The following DLGAP2 variants were observed in gnomAD, a reference collection of about 807,000 sequenced individuals.
DLGAP2 encodes the protein DLG associated protein 2, also known as disks large-associated protein 2.
Under a neutral mutation model 100.3 loss-of-function variants are expected in DLGAP2, and 26 were observed. The observed-to-expected ratio is 0.26, with a 90% CI of 0.19 to 0.36. DLGAP2 has a LOEUF of 0.36. Ranked by LOEUF, DLGAP2 falls within the 10% of genes least tolerant of loss-of-function variation. The pLI is 1.00. For synonymous variants in DLGAP2, 886 were observed against 630.1 expected (o/e 1.41, Z -6.08); for missense variants, 1,858 against 1,453.2 (o/e 1.28, Z -4.53).
rs1317578070 is a variant in DLGAP2 at position 776,625 on chromosome 8, A to G, written c.18+38800A>G. On this transcript the variant is annotated intron_variant, in intron 1 of 14. Coordinates refer to ENST00000637795, the MANE Select transcript of DLGAP2 (RefSeq NM_001346810.2). The stretch of plus-strand genomic sequence containing the variant: ...GTTATGTACCCAGTAGTCCTTCAGG[A>G]GCAGGTTGTTCAGTTTCCATGTAGC... Among the ~76,000 whole-genome samples the G allele has an allele frequency of 4.6e-5, 7 of 152,298 alleles. No homozygotes were observed. In the East Asian group the frequency reaches 1.3e-3, roughly 29 times the overall value.
chr8:1,367,890 G>T (rs963184851), intron 3 of DLGAP2, among the ~76,000 whole-genome samples: 1 of 152,196 alleles, frequency 6.6e-6, no homozygotes, highest in African/African-American at 2.4e-5. Flanking sequence ...AGAAGAGGGG[G>T]CAGAGAAGTC....
intron 2 of DLGAP2, among the ~76,000 whole-genome samples, chr8:997,262 G>A (rs895358542): frequency 6.6e-6 from 1 of 152,090 alleles, no homozygotes; most frequent in African/African-American, 2.4e-5. Context: ...CATGGGAAAT[G>A]AATTAAAATA....
intron 1 of DLGAP2, among the ~76,000 whole-genome samples, chr8:747,136 G>C (rs1024679966): frequency 1.3e-5 from 2 of 152,030 alleles, no homozygotes; most frequent in African/African-American, 4.8e-5. Flanking sequence ...GCCTGTCCTA[G>C]AGACCAGGAG....
chr8:1,294,426 C>T (rs1239456174), intron 3 of DLGAP2, among the ~76,000 whole-genome samples: 2 of 152,134 alleles, frequency 1.3e-5, no homozygotes, highest in African/African-American at 2.4e-5. Flanking sequence ...TTATTTTCCC[C>T]ATTTTTCTGA....
chr8:1,455,142 C>T (rs899335057), intron 3 of DLGAP2, among the ~76,000 whole-genome samples: 15 of 152,198 alleles, frequency 9.9e-5, no homozygotes, highest in African/African-American at 2.2e-4. Context: ...ACCCTGTGAG[C>T]GGCTGGTCTG....
At chr8:1,664,461 T>A (rs1401168346) in intron 8 of DLGAP2, among the ~76,000 whole-genome samples, 1 of 152,294 alleles carries the variant, frequency 6.6e-6, no homozygotes, top group East Asian at 1.9e-4. Context: ...GACGGCCTTT[T>A]CAGTGTGATT....
intron 8 of DLGAP2, among the ~76,000 whole-genome samples, chr8:1,647,094 G>A (rs546784720): frequency 2.0e-5 from 3 of 152,264 alleles, no homozygotes; most frequent in South Asian, 4.2e-4. Flanking sequence ...TGGACTGATG[G>A]TTCCAGGGAC....
chr8:1,172,183 C>G (rs973590053), intron 2 of DLGAP2, among the ~76,000 whole-genome samples: 3 of 151,946 alleles, frequency 2.0e-5, no homozygotes, highest in Non-Finnish European at 4.4e-5. Context: ...GTTGAAAATT[C>G]TTTTCTTTAA....
intron 6 of DLGAP2, among the ~76,000 whole-genome samples, chr8:1,592,916 A>G (rs1378074033): frequency 6.6e-6 from 1 of 152,214 alleles, no homozygotes; most frequent in Non-Finnish European, 1.5e-5. Context: ...CAGATTCAGC[A>G]AACACTTTGA....
chr8:1,336,080 A>C (rs764996113), intron 3 of DLGAP2, among the ~76,000 whole-genome samples: 1 of 152,262 alleles, frequency 6.6e-6, no homozygotes, highest in Non-Finnish European at 1.5e-5. Context: ...CTGGTCCTCC[A>C]CATGTGCAGT....
intron 3 of DLGAP2, among the ~76,000 whole-genome samples, chr8:1,436,320 G>A (rs955718391): frequency 3.9e-5 from 6 of 152,224 alleles, no homozygotes; most frequent in Admixed American, 1.3e-4. Flanking sequence ...GGAGTCTGAT[G>A]TTCAAGGGCA....
intron 3 of DLGAP2, among the ~76,000 whole-genome samples, chr8:1,267,598 T>TAAAACAAAATAAAATAAAATAAA (rs369307454): frequency 2.3e-5 from 1 of 43,618 alleles, no homozygotes. Flanking sequence ...TAAGATAAGA[T>TAAAACAAAATAAAATAAAATAAA]AAGATAAGAT....
At chr8:1,492,223 C>T (rs1029674573) in intron 3 of DLGAP2, among the ~76,000 whole-genome samples, 4 of 152,192 alleles carry the variant, frequency 2.6e-5, no homozygotes, top group Non-Finnish European at 1.5e-5. Context: ...GTAATCATTA[C>T]GGCAGTGGCT....
intron 10 of DLGAP2, among the ~76,000 whole-genome samples, chr8:1,674,812 G>A (rs878916166): frequency 2.6e-5 from 4 of 152,204 alleles, no homozygotes; most frequent in Admixed American, 2.6e-4. Context: ...CTCATTAAAT[G>A]CACTAGGCTA....
intron 3 of DLGAP2, among the ~76,000 whole-genome samples, chr8:1,462,874 A>C (rs1204095593): frequency 6.6e-6 from 1 of 152,264 alleles, no homozygotes; most frequent in African/African-American, 2.4e-5. Flanking sequence ...GATTAGTTCA[A>C]GAAGGAAATG....
At chr8:1,125,497 A>G (rs1431394516) in intron 2 of DLGAP2, among the ~76,000 whole-genome samples, 1 of 152,234 alleles carries the variant, frequency 6.6e-6, no homozygotes, top group Non-Finnish European at 1.5e-5. Flanking sequence ...TGAATGCCAT[A>G]TAACCACTTA....
At chr8:1,413,676 C>G (rs1796796002) in intron 3 of DLGAP2, among the ~76,000 whole-genome samples, 1 of 152,188 alleles carries the variant, frequency 6.6e-6, no homozygotes, top group South Asian at 2.1e-4. Context: ...TGGAGTCACT[C>G]TTATCTTTGA....
chr8:1,480,101 C>T (rs904164949), intron 3 of DLGAP2, among the ~76,000 whole-genome samples: 2 of 152,198 alleles, frequency 1.3e-5, no homozygotes, highest in Admixed American at 6.5e-5. Context: ...GGACGCCCCG[C>T]GCAGTGCAGA....
chr8:1,341,292 A>T (rs745896825), intron 3 of DLGAP2, among the ~76,000 whole-genome samples: 3 of 152,222 alleles, frequency 2.0e-5, no homozygotes, highest in Non-Finnish European at 4.4e-5. Context: ...CTTTTGTTTG[A>T]AAAATAAGCG....
Sources: allele counts gnomAD v4.1 joint callset (sites outside exome capture counted in the v4.1 genomes callset), GRCh38; gene constraint gnomAD v4.1.1; transcripts MANE v1.5; gene names NCBI Gene and HGNC (gene_info 2026-07-23, HGNC 2026-07-21).